TMEM232: variants seen among roughly 807,000 people sequenced by gnomAD.
TMEM232 encodes transmembrane protein 232.
TMEM232 carries 80 observed loss-of-function variants against 78.8 expected under a neutral mutation model. The ratio of observed to expected loss-of-function variants is 1.01; its 90% CI spans 0.85 to 1.22. TMEM232 has a LOEUF of 1.22. TMEM232 is among the 50% of genes most tolerant of loss of function. TMEM232 has a pLI of 0.00. For synonymous variants in TMEM232, 297 were observed against 254.3 expected (o/e 1.17, Z -1.60); for missense variants, 881 against 742.2 (o/e 1.19, Z -2.17).
chr5:110,448,274 T>G (rs547619377), intron 12 of TMEM232, among the ~76,000 whole-genome samples: 2 of 152,064 alleles, frequency 1.3e-5, no homozygotes, highest in African/African-American at 4.8e-5. Context: ...CCTTATACTT[T>G]GCATAAGTAC....
intron 11 of TMEM232, among the ~76,000 whole-genome samples, chr5:110,532,470 C>G (rs1364277371): frequency 6.6e-6 from 1 of 151,966 alleles, no homozygotes; most frequent in South Asian, 2.1e-4. Flanking sequence ...TTTCCCTTGC[C>G]TCCATAACTG....
chr5:110,654,603 T>C (rs1013552529), intron 2 of TMEM232, among the ~76,000 whole-genome samples: 1 of 152,202 alleles, frequency 6.6e-6, no homozygotes, highest in Non-Finnish European at 1.5e-5. Flanking sequence ...CTTTGTTCTT[T>C]TGGCTTAGGA....
At chr5:110,710,589 T>C (rs1349795398) in intron 1 of TMEM232, among the ~76,000 whole-genome samples, 1 of 152,120 alleles carries the variant, frequency 6.6e-6, no homozygotes, top group Non-Finnish European at 1.5e-5. Context: ...GATGCTTCCA[T>C]GTATGCAAAT....
chr5:110,585,899 C>T (rs1357316559), intron 10 of TMEM232, among the ~76,000 whole-genome samples: 1 of 152,150 alleles, frequency 6.6e-6, no homozygotes, highest in African/African-American at 2.4e-5. Flanking sequence ...CATACTGCTG[C>T]AACCTAGGGA....
At chr5:110,524,271 A>C (rs1770050185) in intron 12 of TMEM232, among the ~76,000 whole-genome samples, 1 of 150,304 alleles carries the variant, frequency 6.7e-6, no homozygotes, top group Non-Finnish European at 1.5e-5. Flanking sequence ...AAAAAAAAAA[A>C]AAAAGGAAAA....
intron 12 of TMEM232, among the ~76,000 whole-genome samples, chr5:110,440,755 C>T (rs184941068): frequency 1.0e-3 from 153 of 152,234 alleles, no homozygotes; most frequent in Non-Finnish European, 1.1e-3. Context: ...AGGCAACCTA[C>T]GCACTATCTT....
chr5:110,509,727 G>C (rs141106096), intron 12 of TMEM232, among the ~76,000 whole-genome samples: 1 of 151,806 alleles, frequency 6.6e-6, no homozygotes, highest in Non-Finnish European at 1.5e-5. Context: ...TAGAAATATC[G>C]TACACACATA....
chr5:110,664,929 C>T (rs951026470), intron 2 of TMEM232, among the ~76,000 whole-genome samples: 3 of 152,138 alleles, frequency 2.0e-5, no homozygotes, highest in South Asian at 2.1e-4. Flanking sequence ...TTTGTTTAAA[C>T]GAAGAACCTA....
intron 12 of TMEM232, among the ~76,000 whole-genome samples, chr5:110,524,334 A>T (rs1770077672): frequency 7.2e-6 from 1 of 139,516 alleles, no homozygotes; most frequent in African/African-American, 2.9e-5. Context: ...GAAGGGAGAG[A>T]GAAAAAGAAA....
At chr5:110,462,183 G>C (rs1761605387) in intron 12 of TMEM232, among the ~76,000 whole-genome samples, 1 of 152,200 alleles carries the variant, frequency 6.6e-6, no homozygotes, top group African/African-American at 2.4e-5. Flanking sequence ...GAACATTCAT[G>C]ATTTATGGGA....
intron 12 of TMEM232, among the ~76,000 whole-genome samples, chr5:110,495,911 A>G (rs1448340274): frequency 6.6e-6 from 1 of 151,770 alleles, no homozygotes; most frequent in Non-Finnish European, 1.5e-5. Context: ...TTGCTTTGCT[A>G]GTAAAGAAGA....
At chr5:110,633,057 G>A (rs1207836703) in intron 5 of TMEM232, among the ~76,000 whole-genome samples, 1 of 151,786 alleles carries the variant, frequency 6.6e-6, no homozygotes, top group Non-Finnish European at 1.5e-5. Flanking sequence ...GGCCAAGAGA[G>A]AATGGAATGA....
chr5:110,647,599 A>T (rs1411163378), intron 2 of TMEM232, among the ~76,000 whole-genome samples: 2 of 151,988 alleles, frequency 1.3e-5, no homozygotes, highest in Non-Finnish European at 2.9e-5. Flanking sequence ...AAGAATTTTT[A>T]AAATATTTCC....
intron 12 of TMEM232, among the ~76,000 whole-genome samples, chr5:110,523,966 A>AAGG (rs1491096070): frequency 2.7e-4 from 11 of 41,222 alleles, no homozygotes; most frequent in African/African-American, 8.5e-4. Context: ...AAAAAAAAAA[A>AAGG]GGGGGGGGGG....
intron 12 of TMEM232, among the ~76,000 whole-genome samples, chr5:110,480,859 C>T (rs1202094540): frequency 6.6e-6 from 1 of 152,064 alleles, no homozygotes; most frequent in African/African-American, 2.4e-5. Context: ...ATAGCATATA[C>T]ACTAAGGAGT....
rs1409395818 is a variant in TMEM232, at chr5:110,423,469, T to C, written c.1797+1354A>G. ...ACATGAATACTGAAAAAAATAAATA[T>C]AATATTTAGAGACAATTCAATAAAC... On this transcript the variant is annotated intron_variant, in intron 13 of 13. Coordinates refer to ENST00000455884, the MANE Select transcript of TMEM232 (RefSeq NM_001039763.4). 2.6e-5 allele frequency among the ~76,000 whole-genome samples: 4 copies of C among 152,238 alleles called. 1 individual carries two copies. The South Asian group carries it at 6.2e-4, about 24-fold the overall frequency.
At chr5:110,591,487 T>C (rs1779522372) in intron 10 of TMEM232, among the ~76,000 whole-genome samples, 2 of 152,126 alleles carry the variant, frequency 1.3e-5, no homozygotes, top group Admixed American at 6.6e-5. Flanking sequence ...AAGAAATACT[T>C]CCTCACCTAT....
chr5:110,499,625 A>ACCCCCC (rs1242778747), intron 12 of TMEM232, among the ~76,000 whole-genome samples: 2 of 121,806 alleles, frequency 1.6e-5, no homozygotes, highest in African/African-American at 1.2e-4. Flanking sequence ...ATATATGTAT[A>ACCCCCC]CACCCCCCCC....
At chr5:110,485,535 A>T (rs1179261587) in intron 12 of TMEM232, among the ~76,000 whole-genome samples, 1 of 152,142 alleles carries the variant, frequency 6.6e-6, no homozygotes, top group Non-Finnish European at 1.5e-5. Context: ...CTTAGCTCCC[A>T]CATATCAGTG....
Sources: allele counts gnomAD v4.1 joint callset (sites outside exome capture counted in the v4.1 genomes callset), GRCh38; gene constraint gnomAD v4.1.1; transcripts MANE v1.5; gene names NCBI Gene and HGNC (gene_info 2026-07-23, HGNC 2026-07-21).